Variants in DNAH7 observed in about 807,000 individuals in gnomAD.
DNAH7 encodes the protein axonemal beta dynein heavy chain 7.
A neutral mutation model predicts 444.6 loss-of-function variants in DNAH7; 397 were observed. The observed-to-expected ratio is 0.89, with a 90% CI of 0.82 to 0.97. The LOEUF is 0.97. Ranked by LOEUF, DNAH7 falls within the 50% of genes least tolerant of loss-of-function variation. The pLI, the probability that DNAH7 is intolerant of heterozygous loss-of-function variation, is 0.00. For synonymous variants in DNAH7, 1,636 were observed against 1,624.4 expected (o/e 1.01, Z -0.17); for missense variants, 4,902 against 4,800.8 (o/e 1.02, Z -0.62).
Position 196,048,428 on chromosome 2 carries a change from A to G in DNAH7, c.142-24T>C, listed in dbSNP as rs749615997. On this transcript the variant is annotated intron_variant, in intron 3 of 64. Coordinates refer to ENST00000312428, the MANE Select transcript of DNAH7 (RefSeq NM_018897.3). The stretch of plus-strand genomic sequence containing the variant: ...ACCTAAAATACAAAATTTAAATAGC[A>G]TTAACAAACAATATCAGAAAAAAAC... 4 of 1,593,534 alleles carry G rather than the reference A, an allele frequency of 2.5e-6. No individual in the cohort carries two copies. In the South Asian group the frequency reaches 3.4e-5, roughly 13 times the overall value.
rs1559195966 is a variant in DNAH7 at position 195,894,987 on chromosome 2, T to TATC, written c.4882_4884dup (p.Asp1628dup). 1.9e-6 allele frequency: 3 copies of TATC among 1,603,950 alleles called. No individual in the cohort carries two copies. The highest frequency in any genetic ancestry group is 8.5e-7 in the Non-Finnish European group (1 of 1,174,174). ...AATAATATACTTGCCTTTTCACATA[T>TATC]ATCATTTAGTGCTCCAGCTAAGACA... On this transcript the variant is annotated inframe_insertion, in exon 30 of 65. Coordinates refer to ENST00000312428, the MANE Select transcript of DNAH7 (RefSeq NM_018897.3).
chr2:195,886,195 A>C lies in DNAH7; in HGVS notation c.5484T>G (p.Ala1828=). The C allele has an allele frequency of 6.2e-7, 1 of 1,614,004 alleles. No individual in the cohort carries two copies. Among genetic ancestry groups the C allele is most frequent in the Non-Finnish European group, 8.5e-7 (1 of 1,179,934 alleles). The change falls in exon 34 of 65, where the codon GCT becomes GCG. Residue 1828 remains alanine (A), a synonymous_variant. Coordinates refer to ENST00000312428, the MANE Select transcript of DNAH7 (RefSeq NM_018897.3). ...NLIDCFMDDF[A]DEVKLKERND... Reference sequence around the variant, plus strand: ...TTCTCTCCTTTAGTTTGACTTCATCAGCAAAATCATCCATAAAACAGTCTA... The same window carrying C: ...TTCTCTCCTTTAGTTTGACTTCATCCGCAAAATCATCCATAAAACAGTCTA...
chr2:196,028,321 A>G (rs1266388050), intron 5 of DNAH7, among the ~76,000 whole-genome samples: 2 of 152,158 alleles, frequency 1.3e-5, no homozygotes, highest in Non-Finnish European at 2.9e-5. Flanking sequence ...CTCATTACTC[A>G]AGAATCAAGC....
chr2:195,895,571 T>C (rs1302863432), intron 29 of DNAH7, among the ~76,000 whole-genome samples: 2 of 152,124 alleles, frequency 1.3e-5, no homozygotes, highest in Non-Finnish European at 2.9e-5. Context: ...CCTGGGTAGC[T>C]GGGACTATAG....
At chr2:195,852,347 A>G (rs1215063290) in intron 46 of DNAH7, among the ~76,000 whole-genome samples, 3 of 152,074 alleles carry the variant, frequency 2.0e-5, no homozygotes, top group Non-Finnish European at 4.4e-5. Flanking sequence ...ATGAGGCTCA[A>G]TTGAGACCAC....
chr2:195,875,994 C>CTTGT, intron 37 of DNAH7, 151 bp from the exon 38 acceptor site: 2 of 677,748 alleles, frequency 3.0e-6, no homozygotes, highest in Non-Finnish European at 4.5e-6. Flanking sequence ...GGATAATATC[C>CTTGT]TTAGCTTCCA....
At position 195,934,679 on chromosome 2, in the gene DNAH7, A is replaced by G. The variant is rs184006130; in HGVS notation, c.3383T>C (p.Ile1128Thr). ...KSSEGEVVEL[I>T]EIISTAKARG... ...GGCTTTGGCTGTTGAAATAATCTCT[A>G]TGAGTTCTACAACCTCTCCTTCGCT... Residue 1128 changes from isoleucine (I) to threonine (T), a missense_variant, in exon 21 of 65, where the codon ATA becomes ACA. Transcript: ENST00000312428. 1.4e-5 allele frequency: 23 copies of G among 1,614,122 alleles called. No homozygotes were observed. Among genetic ancestry groups the G allele is most frequent in the Admixed American group, 1.0e-4 (6 of 60,014 alleles).
chr2:196,000,661 T>C, intron 12 of DNAH7, 43 bp downstream of exon 12: 1 of 1,400,866 alleles, frequency 7.1e-7, no homozygotes, highest in Non-Finnish European at 9.4e-7. Context: ...GAAGTGAATG[T>C]CATTATGCAA....
intron 51 of DNAH7, among the ~76,000 whole-genome samples, chr2:195,813,986 T>C (rs551856748): frequency 6.6e-6 from 1 of 152,280 alleles, no homozygotes; most frequent in African/African-American, 2.4e-5. Context: ...TTATATGAAG[T>C]TCTAAAACTG....
At position 195,934,643 on chromosome 2, in the gene DNAH7, A is replaced by T; in HGVS notation, c.3419T>A (p.Val1140Glu). Residue 1140 changes from valine (V) to glutamate (E), a missense_variant, in exon 21 of 65, where the codon GTG becomes GAG. Transcript: ENST00000312428. ...CTCTAATTCAACCAACCACTTCTCC[A>T]CTTGACCTCTGGCTTTGGCTGTTGA... Reference protein sequence around the residue: ...IISTAKARGQVEKWLVELERV... With the variant: ...IISTAKARGQEEKWLVELERV... 1 of 1,614,008 alleles carries T rather than the reference A, an allele frequency of 6.2e-7. No individual in the cohort carries two copies. The highest frequency in any genetic ancestry group is 8.5e-7 in the Non-Finnish European group (1 of 1,179,954).
intron 42 of DNAH7, among the ~76,000 whole-genome samples, 166 bp downstream of exon 42, chr2:195,861,551 C>A (rs374690159): frequency 9.2e-5 from 14 of 152,198 alleles, no homozygotes; most frequent in African/African-American, 2.9e-4. Flanking sequence ...AGGATAAGAC[C>A]CCTCCCTAAA....
intron 12 of DNAH7, among the ~76,000 whole-genome samples, chr2:195,990,499 C>CA (rs1693225663): frequency 6.6e-6 from 1 of 151,702 alleles, no homozygotes; most frequent in Admixed American, 6.6e-5. Context: ...CCCATCTCTA[C>CA]AAAAAACACA....
At chr2:195,754,613 T>C in intron 62 of DNAH7, 99 bp from the exon 63 acceptor site, 2 of 1,243,878 alleles carry the variant, frequency 1.6e-6, no homozygotes, top group Non-Finnish European at 2.2e-6. Context: ...AGGGCTCAGG[T>C]GATCCTCTCA....
At chr2:196,043,947 C>A (rs931775536) in intron 5 of DNAH7, among the ~76,000 whole-genome samples, 19 of 150,628 alleles carry the variant, frequency 1.3e-4, no homozygotes, top group Admixed American at 3.3e-4. Flanking sequence ...CACTTTTACA[C>A]TGCTAGTGGG....
At chr2:195,869,324 C>T (rs1292088487) in intron 40 of DNAH7, among the ~76,000 whole-genome samples, 1 of 151,546 alleles carries the variant, frequency 6.6e-6, no homozygotes, top group East Asian at 1.9e-4. Context: ...CCTACTGTCT[C>T]ACAATTACCT....
At chr2:196,016,435 G>C (rs1695027306) in intron 9 of DNAH7, among the ~76,000 whole-genome samples, 2 of 152,172 alleles carry the variant, frequency 1.3e-5, no homozygotes, top group Admixed American at 6.6e-5. Flanking sequence ...ATGGGGCAAT[G>C]AAGTAGCCTC....
At position 195,960,507 on chromosome 2, in the gene DNAH7, C is replaced by T. The variant is rs776914841; in HGVS notation, c.2644G>A (p.Glu882Lys). 4 of 1,614,138 alleles carry T rather than the reference C, an allele frequency of 2.5e-6. No individual in the cohort carries two copies. The South Asian group carries it at 3.3e-5, about 13-fold the overall frequency. Residue 882 changes from glutamate (E) to lysine (K), a missense_variant, in exon 18 of 65, where the codon GAA (glutamate) becomes AAA (lysine). Transcript: ENST00000312428. ...TVSSFLDMNL[E>K]PYIDRFEGIS... ...CCTTCAAATCGGTCTATATATGGTT[C>T]CAGATTCATGTCTAAAAAAGAGGAG...
intron 12 of DNAH7, among the ~76,000 whole-genome samples, chr2:195,996,209 C>A (rs1406640087): frequency 1.3e-5 from 2 of 152,168 alleles, no homozygotes; most frequent in Admixed American, 6.5e-5. Flanking sequence ...TATTCACTGA[C>A]CTTTGATCTT....
intron 5 of DNAH7, among the ~76,000 whole-genome samples, chr2:196,042,766 G>C (rs768413530): frequency 3.9e-5 from 6 of 152,052 alleles, no homozygotes; most frequent in Non-Finnish European, 5.9e-5. Context: ...AAAATGTACA[G>C]CAGCTTGGAA....
Sources: allele counts gnomAD v4.1 joint callset (sites outside exome capture counted in the v4.1 genomes callset), GRCh38; gene constraint gnomAD v4.1.1; transcripts MANE v1.5; gene names NCBI Gene and HGNC (gene_info 2026-07-23, HGNC 2026-07-21).